Variants in C4orf17 observed in about 807,000 individuals in gnomAD.
C4orf17 encodes uncharacterized protein C4orf17.
C4orf17 carries 25 observed loss-of-function variants against 32.0 expected under a neutral mutation model. The observed-to-expected ratio is 0.78, with a 90% CI of 0.57 to 1.09. The LOEUF (loss-of-function observed/expected upper bound fraction) is 1.09. Ranked by LOEUF, C4orf17 falls within the 50% of genes least tolerant of loss-of-function variation. The probability of loss-of-function intolerance (pLI) is 0.00; values close to 1 mark genes in which losing one functional copy is unlikely to be tolerated. For synonymous variants in C4orf17, 149 were observed against 145.8 expected (o/e 1.02, Z -0.16); for missense variants, 420 against 420.0 (o/e 1.00, Z 0.00).
At position 99,522,675 on chromosome 4, in the gene C4orf17, A is replaced by G. The variant is rs373554070; in HGVS notation, c.303A>G (p.Pro101=). ...ESPVRGMSPA[P]NGAKVPPRPH... ...CTGTAAGAGGAATGTCGCCAGCCCC[A>G]AACGGTGCCAAAGTGCCTCCACGGC... The change falls in exon 3 of 9, where the codon CCA becomes CCG. Residue 101 remains proline, a synonymous_variant. Coordinates refer to ENST00000326581, the MANE Select transcript of C4orf17 (RefSeq NM_032149.3). 5 of 1,613,788 alleles carry G rather than the reference A, an allele frequency of 3.1e-6. No individual in the cohort carries two copies. Among genetic ancestry groups the G allele is most frequent in the Middle Eastern group, 3.3e-4 (2 of 5,986 alleles).
In C4orf17 at chr4:99,512,915, G is replaced by T. The variant is rs762407206; in HGVS notation, c.-93-74G>T. ...GAAACAATTTAGTTCAAGCAAAGAAGATGGAGAAATGTTTGATATATAAGA... is the reference window on the plus strand; with the variant it reads ...GAAACAATTTAGTTCAAGCAAAGAATATGGAGAAATGTTTGATATATAAGA... On this transcript the variant is annotated intron_variant, in intron 1 of 8. Transcript: ENST00000326581. The T allele has an allele frequency of 2.2e-4, 148 of 670,908 alleles. 2 individuals carry two copies. The highest frequency in any genetic ancestry group is 3.3e-4 in the Non-Finnish European group (134 of 409,284). The allele number at this position is 670,908 out of a possible 1,614,324, so 41.6% of individuals were successfully genotyped here.
rs1723283267 is a variant in C4orf17 at position 99,521,287 on chromosome 4, C to T, written c.128-1213C>T. Among the ~76,000 whole-genome samples, 2 of 151,968 alleles carry T rather than the reference C, an allele frequency of 1.3e-5. 1 individual carries two copies. Among genetic ancestry groups the T allele is most frequent in the South Asian group, 4.2e-4 (2 of 4,818 alleles). ...ACTCAGGAGGCTGAGGCAGGATAAT[C>T]ACTTGAGCCTGGGAGGGGGAGCACT... On this transcript the variant is annotated intron_variant, in intron 2 of 8. Transcript: ENST00000326581.
intron 5 of C4orf17, among the ~76,000 whole-genome samples, chr4:99,537,132 G>T (rs975713949): frequency 6.6e-6 from 1 of 152,030 alleles, no homozygotes; most frequent in Non-Finnish European, 1.5e-5. Context: ...CTTAGACCTT[G>T]GTACCTGAGC....
rs985570932 is a variant in C4orf17, at chr4:99,511,125, G to C, written c.-241G>C. The C allele has an allele frequency of 3.3e-5, 5 of 152,172 alleles. No homozygotes were observed. The highest frequency in any genetic ancestry group is 9.6e-5 in the African/African-American group (4 of 41,458). 9.4% of individuals were successfully genotyped at this position (152,172 alleles called of 1,614,324 possible). On this transcript the variant is annotated 5_prime_UTR_variant, in exon 1 of 9. Transcript: ENST00000326581. ...TTTTGGAAGCGTTCGAGATTGGTCT[G>C]TCTCTACCAACTAAAAACTTCTAGC...
At chr4:99,535,388 T>G (rs777740345) in intron 5 of C4orf17, among the ~76,000 whole-genome samples, 10 of 152,148 alleles carry the variant, frequency 6.6e-5, no homozygotes, top group Non-Finnish European at 1.2e-4. Flanking sequence ...AGTTGTAAGT[T>G]CAGTCTTTTT....
intron 2 of C4orf17, among the ~76,000 whole-genome samples, chr4:99,521,483 G>A (rs1722894297): frequency 6.6e-6 from 1 of 152,132 alleles, no homozygotes. Flanking sequence ...GAGAAGCAGT[G>A]TGCAAACAGA....
intron 4 of C4orf17, among the ~76,000 whole-genome samples, chr4:99,528,713 G>A (rs1359947987): frequency 6.6e-6 from 1 of 152,146 alleles, no homozygotes; most frequent in Non-Finnish European, 1.5e-5. Flanking sequence ...AGAAAAGTGA[G>A]AGCCAAGTAA....
At chr4:99,532,620 T>C (rs1723494497) in intron 5 of C4orf17, among the ~76,000 whole-genome samples, 1 of 152,054 alleles carries the variant, frequency 6.6e-6, no homozygotes, top group Non-Finnish European at 1.5e-5. Flanking sequence ...CGTGATGGAG[T>C]CAACTGAAGC....
intron 3 of C4orf17, 143 bp downstream of exon 3, chr4:99,522,852 T>C (rs1197624728): frequency 6.2e-6 from 4 of 641,364 alleles, no homozygotes; most frequent in Non-Finnish European, 1.1e-5. Flanking sequence ...TGTTATATAA[T>C]TTTTTTTCAC....
chr4:99,524,893 G>A (rs1723360797), intron 4 of C4orf17, among the ~76,000 whole-genome samples: 1 of 152,136 alleles, frequency 6.6e-6, no homozygotes, highest in Admixed American at 6.5e-5. Context: ...CTAAACATTA[G>A]CATGGACTTT....
At chr4:99,516,596 A>T (rs1356136501) in intron 2 of C4orf17, among the ~76,000 whole-genome samples, 1 of 152,214 alleles carries the variant, frequency 6.6e-6, no homozygotes, top group African/African-American at 2.4e-5. Flanking sequence ...TAACAATAAT[A>T]TCTACAACGG....
chr4:99,533,892 A>G (rs950271818), intron 5 of C4orf17, among the ~76,000 whole-genome samples: 2 of 152,236 alleles, frequency 1.3e-5, no homozygotes, highest in Non-Finnish European at 2.9e-5. Flanking sequence ...TCTAGGCTAG[A>G]TTCTCAAATC....
intron 4 of C4orf17, among the ~76,000 whole-genome samples, chr4:99,525,137 T>C (rs1035640923): frequency 5.3e-5 from 8 of 152,240 alleles, no homozygotes; most frequent in African/African-American, 1.9e-4. Flanking sequence ...AATAGGAACA[T>C]TTGTCTACAA....
At chr4:99,511,670 C>A (rs1007027546) in intron 1 of C4orf17, among the ~76,000 whole-genome samples, 1 of 151,986 alleles carries the variant, frequency 6.6e-6, no homozygotes, top group Non-Finnish European at 1.5e-5. Context: ...TTTTCACTCT[C>A]CAAATTGTCT....
chr4:99,520,092 T>A lies in C4orf17; in HGVS notation c.128-2408T>A, dbSNP rs76724365. ...AAAACCCCAAAACCCACATTTAATT[T>A]TTTTTTTTTTTTTTTGAGACGGAGT... is the stretch of plus-strand genomic sequence containing the variant. On this transcript the variant is annotated intron_variant, in intron 2 of 8. Transcript: ENST00000326581. Among the ~76,000 whole-genome samples, 2,346 of 150,554 alleles carry A rather than the reference T, an allele frequency of 0.016. 387 individuals are homozygous for A. In the East Asian group the frequency reaches 0.38, roughly 25 times the overall value.
chr4:99,539,613 T>C (rs540305214), intron 7 of C4orf17, among the ~76,000 whole-genome samples: 1 of 152,338 alleles, frequency 6.6e-6, no homozygotes, highest in Admixed American at 6.5e-5. Context: ...CCTTTCTTTT[T>C]AAGAAAAATT....
At position 99,522,494 on chromosome 4, in the gene C4orf17, A is replaced by C. The variant is rs781127462; in HGVS notation, c.128-6A>C. On this transcript the variant is annotated splice_polypyrimidine_tract_variant and splice_region_variant and intron_variant, in intron 2 of 8. Transcript: ENST00000326581. ...CTGTCTCTTTTTTTAATCTTTACTC[A>C]CCTAGGCTTGAATAACATTCCAATC... 6.2e-7 allele frequency: 1 copy of C among 1,610,078 alleles called. No homozygotes were observed. Among genetic ancestry groups the C allele is most frequent in the Non-Finnish European group, 8.5e-7 (1 of 1,176,868 alleles).
rs140541657 is a variant in C4orf17 at position 99,524,477 on chromosome 4, T to G, written c.338-44T>G. 3.7e-4 allele frequency: 451 copies of G among 1,204,540 alleles called. 2 individuals carry two copies. The East Asian group carries it at 7.5e-3, about 20-fold the overall frequency. 74.6% of individuals were successfully genotyped at this position (1,204,540 alleles called of 1,614,324 possible). ...ACATATATCATGTGATATAAATTCT[T>G]TTTCAGTTTAATCTAAATACATTTT... On this transcript the variant is annotated intron_variant, in intron 3 of 8. Coordinates refer to ENST00000326581, the MANE Select transcript of C4orf17 (RefSeq NM_032149.3).
intron 4 of C4orf17, among the ~76,000 whole-genome samples, chr4:99,527,105 G>A (rs896353358): frequency 4.0e-5 from 6 of 151,576 alleles, no homozygotes; most frequent in East Asian, 1.9e-4. Flanking sequence ...TTTCATTTTC[G>A]TTATGTTCAG....
Sources: allele counts gnomAD v4.1 joint callset (sites outside exome capture counted in the v4.1 genomes callset), GRCh38; gene constraint gnomAD v4.1.1; transcripts MANE v1.5; gene names NCBI Gene and HGNC (gene_info 2026-07-23, HGNC 2026-07-21).